EDIL3: variants seen among roughly 807,000 people sequenced by gnomAD.
EDIL3 encodes the protein EGF-like repeat and discoidin I-like domain-containing protein 3.
In EDIL3, 37 loss-of-function variants were observed where a neutral mutation model predicts 67.4. The ratio of observed to expected loss-of-function variants is 0.55; its 90% CI spans 0.42 to 0.72. The LOEUF (loss-of-function observed/expected upper bound fraction) is 0.72, where lower values mean the gene tolerates loss of function less well. Among genes scored for constraint, EDIL3 ranks in the 30% least tolerant of loss-of-function variants. The probability of loss-of-function intolerance (pLI) is 0.00; values close to 1 mark genes in which losing one functional copy is unlikely to be tolerated. For missense variants in EDIL3, 527 were observed against 586.3 expected (o/e 0.90, Z 1.04); for synonymous variants, 195 against 196.3 (o/e 0.99, Z 0.05).
intron 9 of EDIL3, among the ~76,000 whole-genome samples, chr5:83,994,056 G>A (rs1399081433): frequency 6.6e-6 from 1 of 152,142 alleles, no homozygotes; most frequent in Admixed American, 6.5e-5. Flanking sequence ...TTAGTAGTAT[G>A]CTCCAACATG....
intron 2 of EDIL3, among the ~76,000 whole-genome samples, chr5:84,232,749 A>G (rs1744608771): frequency 6.6e-6 from 1 of 152,226 alleles, no homozygotes; most frequent in African/African-American, 2.4e-5. Flanking sequence ...TCATGAAGGC[A>G]TATACACAAG....
At position 84,064,682 on chromosome 5, in the gene EDIL3, A is replaced by G; in HGVS notation, c.952+18T>C. On this transcript the variant is annotated intron_variant, in intron 8 of 10. Coordinates refer to ENST00000296591, the MANE Select transcript of EDIL3 (RefSeq NM_005711.5). ...TTTTCTTTAAATAGAATACAGAAAT[A>G]GTTAATTTGAGACTTACCCGACAGT... 2 of 1,606,072 alleles carry G rather than the reference A, an allele frequency of 1.2e-6. No homozygotes were observed. The highest frequency in any genetic ancestry group is 3.3e-4 in the Middle Eastern group (2 of 6,002).
At chr5:84,373,837 A>G (rs913996975) in intron 1 of EDIL3, among the ~76,000 whole-genome samples, 52 of 152,176 alleles carry the variant, frequency 3.4e-4, no homozygotes, top group African/African-American at 1.2e-3. Flanking sequence ...AATTTAAAAT[A>G]CTGGTAGCTG....
intron 3 of EDIL3, among the ~76,000 whole-genome samples, chr5:84,228,474 G>C (rs574737435): frequency 1.3e-5 from 2 of 152,120 alleles, no homozygotes; most frequent in Non-Finnish European, 2.9e-5. Flanking sequence ...ATTGAGTCAT[G>C]TGATTAGGCT....
At chr5:84,361,046 T>A (rs891455222) in intron 1 of EDIL3, among the ~76,000 whole-genome samples, 5 of 152,212 alleles carry the variant, frequency 3.3e-5, no homozygotes, top group Admixed American at 6.5e-5. Context: ...GAAACATATA[T>A]CTTGCCTGTT....
intron 1 of EDIL3, among the ~76,000 whole-genome samples, chr5:84,285,801 C>A (rs1745796234): frequency 6.6e-6 from 1 of 152,136 alleles, no homozygotes; most frequent in Non-Finnish European, 1.5e-5. Context: ...TGGAACGCCT[C>A]AGATAGAAAG....
chr5:84,380,354 G>C (rs945628017), intron 1 of EDIL3, among the ~76,000 whole-genome samples: 8 of 152,006 alleles, frequency 5.3e-5, no homozygotes, highest in African/African-American at 2.4e-5. Flanking sequence ...AAATAATAAT[G>C]TTAATTTTCA....
At chr5:84,214,188 G>T (rs1423477568) in intron 3 of EDIL3, among the ~76,000 whole-genome samples, 2 of 152,158 alleles carry the variant, frequency 1.3e-5, no homozygotes, top group African/African-American at 4.8e-5. Flanking sequence ...GAATTACTAA[G>T]CAAAAGTAAT....
intron 1 of EDIL3, among the ~76,000 whole-genome samples, chr5:84,366,018 T>C (rs1183574319): frequency 1.3e-5 from 2 of 152,120 alleles, no homozygotes; most frequent in Middle Eastern, 3.2e-3. Context: ...TCCTAGTCTA[T>C]CTGATTAGAA....
chr5:84,187,260 A>T (rs1205629073), intron 3 of EDIL3, among the ~76,000 whole-genome samples: 1 of 152,036 alleles, frequency 6.6e-6, no homozygotes, highest in Non-Finnish European at 1.5e-5. Flanking sequence ...AAAGCAGTAG[A>T]TCTATATGGT....
intron 9 of EDIL3, among the ~76,000 whole-genome samples, chr5:84,046,018 A>G (rs1280276246): frequency 6.6e-6 from 1 of 152,252 alleles, no homozygotes; most frequent in Non-Finnish European, 1.5e-5. Flanking sequence ...CGCTGGACAG[A>G]GCAGGGTTCT....
Position 84,060,440 on chromosome 5 carries a change from A to T in EDIL3, c.997T>A (p.Tyr333Asn), listed in dbSNP as rs780875387. 6 of 1,613,686 alleles carry T rather than the reference A, an allele frequency of 3.7e-6. No homozygotes were observed. The South Asian group carries it at 6.6e-5, about 18-fold the overall frequency. Residue 333 changes from tyrosine (Y) to asparagine (N), a missense_variant, in exon 9 of 11, where the codon TAT (tyrosine) becomes AAT (asparagine). Physicochemically the swap from Tyr to Asn is moderately radical, Grantham distance 143. This residue lies in a region of EDIL3 where 494 missense variants were observed against 522.5 expected (regional missense o/e 0.95). Transcript: ENST00000296591. The stretch of plus-strand genomic sequence containing the variant: ...AAGATGCTGGAGGCAGTGATCTGAT[A>T]GTCTTGTATATGTCCTGATTTCATA... ...LGMKSGHIQD[Y>N]QITASSIFRT...
At chr5:84,330,426 T>G (rs1746844823) in intron 1 of EDIL3, among the ~76,000 whole-genome samples, 1 of 152,144 alleles carries the variant, frequency 6.6e-6, no homozygotes, top group Non-Finnish European at 1.5e-5. Context: ...TTTTAAAAAA[T>G]AAATTCAGAA....
intron 4 of EDIL3, among the ~76,000 whole-genome samples, chr5:84,169,228 G>A (rs895871615): frequency 2.0e-5 from 3 of 151,906 alleles, no homozygotes; most frequent in Non-Finnish European, 4.4e-5. Context: ...TGAAATTTTA[G>A]TTGAGATAAT....
intron 1 of EDIL3, among the ~76,000 whole-genome samples, chr5:84,282,516 G>A (rs750569747): frequency 2.6e-5 from 4 of 151,932 alleles, no homozygotes; most frequent in Non-Finnish European, 5.9e-5. Context: ...TCATTCTCCT[G>A]TTTACAGATA....
chr5:84,205,367 A>C (rs1027623437), intron 3 of EDIL3, among the ~76,000 whole-genome samples: 1 of 152,202 alleles, frequency 6.6e-6, no homozygotes, highest in African/African-American at 2.4e-5. Flanking sequence ...ATAATGATGG[A>C]CAGTCATGTG....
chr5:83,959,683 G>A (rs1456007701), intron 10 of EDIL3, among the ~76,000 whole-genome samples: 1 of 150,776 alleles, frequency 6.6e-6, no homozygotes, highest in Non-Finnish European at 1.5e-5. Context: ...CAAAAATAAT[G>A]TTAAGAATCA....
intron 9 of EDIL3, among the ~76,000 whole-genome samples, chr5:83,974,362 T>C (rs1744842958): frequency 6.6e-6 from 1 of 151,564 alleles, no homozygotes; most frequent in South Asian, 2.1e-4. Flanking sequence ...GCAGAGAGTT[T>C]GGAAAAGATT....
chr5:84,066,330 A>C (rs1746639977), intron 7 of EDIL3, 121 bp downstream of exon 7: 2 of 1,124,252 alleles, frequency 1.8e-6, no homozygotes, highest in Non-Finnish European at 2.4e-6. Flanking sequence ...AATTAAAAAC[A>C]AGACGCATTG....
Sources: gnomAD v4.1 joint callset for allele counts (sites outside exome capture counted in the v4.1 genomes callset) on GRCh38, gnomAD v4.1.1 for gene constraint, gnomAD v4.1.1 regional missense constraint, MANE v1.5 for transcripts, NCBI Gene and HGNC (gene_info 2026-07-23, HGNC 2026-07-21) for gene names.